NFATC1: variants seen among roughly 807,000 people sequenced by gnomAD.
NFATC1 encodes the protein nuclear factor of activated T-cells, cytoplasmic 1.
NFATC1 carries 22 observed loss-of-function variants against 76.0 expected under a neutral mutation model. The ratio of observed to expected loss-of-function variants is 0.29; its 90% CI spans 0.21 to 0.41. NFATC1 has a LOEUF of 0.41. Among genes scored for constraint, NFATC1 ranks in the 10% least tolerant of loss-of-function variants. The probability of loss-of-function intolerance (pLI) is 1.00; values close to 1 mark genes in which losing one functional copy is unlikely to be tolerated. For synonymous variants in NFATC1, 704 were observed against 613.1 expected, an observed-to-expected ratio of 1.15 and a Z score of -2.19; for missense variants, 1,357 against 1,337.7, an observed-to-expected ratio of 1.01 and a Z score of -0.23.
intron 8 of NFATC1, among the ~76,000 whole-genome samples, chr18:79,479,756 C>T (rs546058954): frequency 1.4e-3 from 206 of 152,320 alleles, no homozygotes; most frequent in African/African-American, 4.6e-3. Context: ...GGGTGCCTCG[C>T]GCATCCCTGC....
intron 1 of NFATC1, among the ~76,000 whole-genome samples, chr18:79,406,269 A>G (rs2085434552): frequency 6.6e-6 from 1 of 152,238 alleles, no homozygotes. Flanking sequence ...TGATTGGGAA[A>G]CAGGAAGTGT....
chr18:79,451,373 C>T (rs533942514), intron 5 of NFATC1, among the ~76,000 whole-genome samples: 159 of 152,384 alleles, frequency 1.0e-3, no homozygotes, highest in African/African-American at 3.1e-3. Flanking sequence ...CGGTGTGGGC[C>T]GGGGCTTCCC....
intron 1 of NFATC1, among the ~76,000 whole-genome samples, chr18:79,406,095 C>T (rs1159415162): frequency 6.6e-6 from 1 of 152,254 alleles, no homozygotes; most frequent in African/African-American, 2.4e-5. Flanking sequence ...CCGTCACTGG[C>T]TGAGCAGCCA....
At chr18:79,412,817 C>T (rs985291110) in intron 2 of NFATC1, among the ~76,000 whole-genome samples, 2 of 152,202 alleles carry the variant, frequency 1.3e-5, no homozygotes, top group Non-Finnish European at 1.5e-5. Context: ...GCTGAGGTTT[C>T]GAGAGAAAGC....
At chr18:79,452,042 G>A (rs1418311984) in intron 6 of NFATC1, 2 of 456,152 alleles carry the variant, frequency 4.4e-6, no homozygotes, top group African/African-American at 4.1e-5. Context: ...TTTATTTCTG[G>A]GGCCGCCGGG....
intron 6 of NFATC1, among the ~76,000 whole-genome samples, chr18:79,452,788 C>A (rs986542004): frequency 6.6e-6 from 1 of 152,336 alleles, no homozygotes; most frequent in Non-Finnish European, 1.5e-5. Context: ...GGGCCTCTGC[C>A]CAGGGTGCGC....
At chr18:79,400,307 C>A (rs1041899011) in intron 1 of NFATC1, 2 of 1,291,034 alleles carry the variant, frequency 1.5e-6, no homozygotes, top group Non-Finnish European at 9.8e-7. Flanking sequence ...TCACGTTACG[C>A]GGAGGACGCG....
chr18:79,489,672 G>A (rs1210917811), intron 9 of NFATC1, among the ~76,000 whole-genome samples: 1 of 152,212 alleles, frequency 6.6e-6, no homozygotes, highest in African/African-American at 2.4e-5. Context: ...AGGGGTTTCT[G>A]TGTTGTCAGA....
Position 79,433,711 on chromosome 18 carries a change from G to A in NFATC1, c.1359G>A (p.Ala453=), listed in dbSNP as rs202207373. Residue 453 remains alanine, a synonymous_variant, in exon 3 of 10, where the codon GCG becomes GCA. Coordinates refer to ENST00000427363, the MANE Select transcript of NFATC1 (RefSeq NM_001278669.2). ...ETEGSRGAVK[A]SAGGHPIVQL... Reference sequence around the variant, plus strand: ...AGGGCAGCCGGGGGGCCGTGAAGGCGTCGGCCGGAGGACACCCCATCGTGC... The same window carrying A: ...AGGGCAGCCGGGGGGCCGTGAAGGCATCGGCCGGAGGACACCCCATCGTGC... 2.4e-5 allele frequency: 38 copies of A among 1,612,860 alleles called. No homozygotes were observed. The highest frequency in any genetic ancestry group is 1.8e-4 in the East Asian group (8 of 44,870).
intron 3 of NFATC1, among the ~76,000 whole-genome samples, chr18:79,440,742 T>C (rs1200288866): frequency 6.6e-6 from 1 of 152,246 alleles, no homozygotes; most frequent in Non-Finnish European, 1.5e-5. Flanking sequence ...CTGCTGTGTC[T>C]GAACAGCTCC....
chr18:79,400,364 T>TTCCG, intron 1 of NFATC1: 1 of 1,185,418 alleles, frequency 8.4e-7, no homozygotes, highest in Non-Finnish European at 1.1e-6. Flanking sequence ...CGACCCCGGC[T>TTCCG]CCCGCCCCGG....
chr18:79,481,313 C>G (rs2089263192), intron 8 of NFATC1, among the ~76,000 whole-genome samples: 1 of 152,256 alleles, frequency 6.6e-6, no homozygotes, highest in African/African-American at 2.4e-5. Flanking sequence ...AAAATGACTC[C>G]AGCTCTGTAG....
At chr18:79,425,848 C>G (rs1250342716) in intron 2 of NFATC1, among the ~76,000 whole-genome samples, 1 of 152,188 alleles carries the variant, frequency 6.6e-6, no homozygotes, top group Non-Finnish European at 1.5e-5. Context: ...CAAAGTTTCT[C>G]ATTTTTTTGG....
chr18:79,457,999 G>A (rs915298530), intron 6 of NFATC1, among the ~76,000 whole-genome samples: 8 of 152,216 alleles, frequency 5.3e-5, no homozygotes, highest in African/African-American at 9.6e-5. Flanking sequence ...ACTAGGCCAC[G>A]TCCACCCTGT....
intron 8 of NFATC1, among the ~76,000 whole-genome samples, chr18:79,481,674 C>T (rs1289125610): frequency 6.6e-6 from 1 of 152,256 alleles, no homozygotes; most frequent in Non-Finnish European, 1.5e-5. Context: ...GACTGAGAGC[C>T]ATAGACCCTC....
chr18:79,517,691 C>T (rs2090417170), intron 9 of NFATC1, among the ~76,000 whole-genome samples: 1 of 152,160 alleles, frequency 6.6e-6, no homozygotes, highest in African/African-American at 2.4e-5. Flanking sequence ...AGGCCTGTGT[C>T]CTTGCCAAAC....
chr18:79,397,103 C>T (rs2085033041), intron 1 of NFATC1, among the ~76,000 whole-genome samples: 2 of 152,162 alleles, frequency 1.3e-5, no homozygotes, highest in Admixed American at 6.5e-5. Flanking sequence ...GACCCCCCTG[C>T]GGCGCATCTC....
chr18:79,461,017 C>A (rs117295351), intron 6 of NFATC1, among the ~76,000 whole-genome samples: 10 of 152,348 alleles, frequency 6.6e-5, no homozygotes, highest in Non-Finnish European at 1.2e-4. Context: ...CCTGAGGATG[C>A]CCCTGCCCTG....
chr18:79,438,222 T>C lies in NFATC1; in HGVS notation c.1386+4484T>C, dbSNP rs139689254. Among the ~76,000 whole-genome samples the C allele has an allele frequency of 3.9e-3, 599 of 152,330 alleles. 11 individuals carry two copies. The highest frequency in any genetic ancestry group is 8.0e-3 in the African/African-American group (334 of 41,578). ...CCTCCTTCCTTCCCTCCTGCTCTCT[T>C]TGCCGTGGACTGCAGCCCCCTCGCC... On this transcript the variant is annotated intron_variant, in intron 3 of 9. Coordinates refer to ENST00000427363, the MANE Select transcript of NFATC1 (RefSeq NM_001278669.2).
Sources: allele counts gnomAD v4.1 joint callset (sites outside exome capture counted in the v4.1 genomes callset), GRCh38; gene constraint gnomAD v4.1.1; transcripts MANE v1.5; gene names NCBI Gene and HGNC (gene_info 2026-07-23, HGNC 2026-07-21).